TRDN: variants seen among roughly 807,000 people sequenced by gnomAD.
The protein encoded by TRDN is triadin, also known as triadin in skeletal muscle.
A neutral mutation model predicts 149.7 loss-of-function variants in TRDN; 161 were observed. The ratio of observed to expected loss-of-function variants is 1.08; its 90% CI spans 0.95 to 1.23. The LOEUF is 1.23. Ranked by LOEUF, TRDN falls within the 50% of genes most tolerant of loss-of-function variation. The pLI is 0.00. For synonymous variants in TRDN, 294 were observed against 250.5 expected (o/e 1.17, Z -1.64); for missense variants, 896 against 823.5 (o/e 1.09, Z -1.08).
intron 12 of TRDN, among the ~76,000 whole-genome samples, chr6:123,419,830 T>C (rs1773820848): frequency 3.9e-5 from 6 of 152,216 alleles, no homozygotes; most frequent in South Asian, 2.1e-4. Flanking sequence ...CTAATGGTCA[T>C]TGAAACTTTG....
chr6:123,632,624 G>A (rs577085675), intron 1 of TRDN, among the ~76,000 whole-genome samples: 1 of 152,010 alleles, frequency 6.6e-6, no homozygotes, highest in Non-Finnish European at 1.5e-5. Context: ...GTGGTATGTT[G>A]CTTTATCAGG....
At chr6:123,391,463 C>A (rs1289635040) in intron 13 of TRDN, among the ~76,000 whole-genome samples, 13 of 151,890 alleles carry the variant, frequency 8.6e-5, no homozygotes, top group Admixed American at 3.9e-4. Flanking sequence ...TTGCCACCAT[C>A]CTAGTTGAGG....
At chr6:123,554,314 A>G (rs948238399) in intron 2 of TRDN, among the ~76,000 whole-genome samples, 2 of 152,160 alleles carry the variant, frequency 1.3e-5, no homozygotes, top group Non-Finnish European at 2.9e-5. Context: ...TTTCTCTTTT[A>G]CAACAATTAT....
chr6:123,467,105 A>C (rs1776867333), intron 9 of TRDN, among the ~76,000 whole-genome samples: 1 of 152,038 alleles, frequency 6.6e-6, no homozygotes, highest in East Asian at 1.9e-4. Flanking sequence ...ATTAAACCCC[A>C]ACCCTGCCTT....
At chr6:123,529,411 G>T in intron 5 of TRDN, 1 of 1,488,444 alleles carries the variant, frequency 6.7e-7, no homozygotes, top group Non-Finnish European at 9.2e-7. Context: ...TCTGATTGTT[G>T]AAGAATTGGC....
At chr6:123,564,917 T>C (rs186594506) in intron 2 of TRDN, among the ~76,000 whole-genome samples, 41 of 152,320 alleles carry the variant, frequency 2.7e-4, no homozygotes, top group African/African-American at 9.1e-4. Context: ...TTTCCTCTAA[T>C]GGATGAGGAT....
intron 20 of TRDN, among the ~76,000 whole-genome samples, chr6:123,363,310 T>C (rs1483534941): frequency 6.6e-6 from 1 of 152,200 alleles, no homozygotes; most frequent in Non-Finnish European, 1.5e-5. Context: ...GAGAACAATA[T>C]ATTTTTTCAT....
At position 123,626,451 on chromosome 6, in the gene TRDN, G is replaced by A. The variant is rs570832471; in HGVS notation, c.22+10303C>T. ...AGCCAAGACTGTGCCAGTGCATGCCGAACTAGACACTGGCTCAAAAGAAAA... is the reference window on the plus strand; with the variant it reads ...AGCCAAGACTGTGCCAGTGCATGCCAAACTAGACACTGGCTCAAAAGAAAA... On this transcript the variant is annotated intron_variant, in intron 1 of 40. Transcript: ENST00000334268. Among the ~76,000 whole-genome samples the A allele has an allele frequency of 2.6e-3, 401 of 151,848 alleles. 2 individuals carry two copies. Among genetic ancestry groups the A allele is most frequent in the Non-Finnish European group, 4.3e-3 (295 of 67,878 alleles).
intron 1 of TRDN, among the ~76,000 whole-genome samples, chr6:123,585,215 T>C (rs1284118191): frequency 6.6e-6 from 1 of 150,414 alleles, no homozygotes; most frequent in East Asian, 2.0e-4. Flanking sequence ...GATGTAGCTG[T>C]AATCCAGGAA....
chr6:123,430,054 T>C (rs1007395172), intron 12 of TRDN, among the ~76,000 whole-genome samples: 5 of 151,774 alleles, frequency 3.3e-5, no homozygotes, highest in African/African-American at 1.2e-4. Flanking sequence ...AAGATCACTT[T>C]AGTCCAGCAG....
At chr6:123,436,567 C>T (rs191480803) in intron 12 of TRDN, among the ~76,000 whole-genome samples, 1 of 152,176 alleles carries the variant, frequency 6.6e-6, no homozygotes, top group East Asian at 1.9e-4. Context: ...ATATAGTTGA[C>T]ATCCTATGTA....
chr6:123,344,326 T>C (rs997319936), intron 21 of TRDN, among the ~76,000 whole-genome samples: 3 of 152,208 alleles, frequency 2.0e-5, no homozygotes, highest in Admixed American at 6.6e-5. Flanking sequence ...CTTAGTTTTA[T>C]ACATCTTATA....
chr6:123,493,491 A>G (rs1266799543), intron 9 of TRDN, among the ~76,000 whole-genome samples: 2 of 152,180 alleles, frequency 1.3e-5, no homozygotes, highest in Non-Finnish European at 2.9e-5. Context: ...CTTGGGACTT[A>G]TGTCATAGTG....
At chr6:123,403,450 C>A (rs1773066622) in intron 12 of TRDN, among the ~76,000 whole-genome samples, 1 of 152,008 alleles carries the variant, frequency 6.6e-6, no homozygotes, top group Non-Finnish European at 1.5e-5. Context: ...GCAGGAAGAT[C>A]AAGCAAAGGC....
chr6:123,260,664 G>C, intron 33 of TRDN, 26 bp from the exon 34 acceptor site: 1 of 1,242,120 alleles, frequency 8.1e-7, no homozygotes. Context: ...AAAAAAGAAT[G>C]TAGAAAGAAA....
At chr6:123,291,378 C>T (rs1055276374) in intron 24 of TRDN, among the ~76,000 whole-genome samples, 2 of 151,942 alleles carry the variant, frequency 1.3e-5, no homozygotes, top group African/African-American at 4.8e-5. Context: ...TCCTGGCTAA[C>T]ACGGTGAAAC....
At chr6:123,403,826 A>T (rs564242518) in intron 12 of TRDN, among the ~76,000 whole-genome samples, 2 of 152,296 alleles carry the variant, frequency 1.3e-5, no homozygotes, top group South Asian at 2.1e-4. Context: ...AAATAAAAAA[A>T]TACAGGAGAA....
intron 9 of TRDN, among the ~76,000 whole-genome samples, chr6:123,479,654 T>C (rs1485896641): frequency 2.0e-5 from 3 of 152,176 alleles, no homozygotes; most frequent in Non-Finnish European, 4.4e-5. Context: ...TGCAGTGCTC[T>C]TATACAACAG....
intron 24 of TRDN, among the ~76,000 whole-genome samples, chr6:123,296,943 A>G (rs952214624): frequency 1.4e-4 from 21 of 152,130 alleles, no homozygotes; most frequent in Admixed American, 1.4e-3. Flanking sequence ...ATGTCAGGAT[A>G]GATAGAAAAG....
Sources: allele counts gnomAD v4.1 joint callset (sites outside exome capture counted in the v4.1 genomes callset), GRCh38; gene constraint gnomAD v4.1.1; transcripts MANE v1.5; gene names NCBI Gene and HGNC (gene_info 2026-07-23, HGNC 2026-07-21).